The following MCTP1 variants were observed in gnomAD, a reference collection of about 807,000 sequenced individuals.
MCTP1 encodes multiple C2 and transmembrane domain containing 1.
A neutral mutation model predicts 120.6 loss-of-function variants in MCTP1; 69 were observed. That is an observed-to-expected ratio of 0.57 (90% CI 0.47 to 0.70). MCTP1 has a LOEUF of 0.70. Among genes scored for constraint, MCTP1 ranks in the 30% least tolerant of loss-of-function variants. The pLI is 0.00. For missense variants in MCTP1, 1,203 were observed against 1,248.8 expected, an observed-to-expected ratio of 0.96 and a Z score of 0.55; for synonymous variants, 529 against 493.1, an observed-to-expected ratio of 1.07 and a Z score of -0.96.
intron 2 of MCTP1, among the ~76,000 whole-genome samples, chr5:94,988,595 G>GTTTTTT (rs1223531017): frequency 8.0e-6 from 1 of 124,312 alleles, no homozygotes; most frequent in African/African-American, 3.2e-5. Context: ...TTCCCTGTGT[G>GTTTTTT]TGTTTTTTTT....
In MCTP1 at chr5:95,284,264, C is replaced by T; in HGVS notation, c.312G>A (p.Pro104=). 1.3e-6 allele frequency: 2 copies of T among 1,591,418 alleles called. No individual in the cohort carries two copies. Among genetic ancestry groups the T allele is most frequent in the Non-Finnish European group, 8.5e-7 (1 of 1,176,092 alleles). ...CGGCGCCGCCGGGCTCCAGGGGCTC[C>T]GGCGACGAGCAGCACAGGTTGGGCT... ...SSQPNLCCSS[P]EPLEPGGAGR... The change falls in exon 1 of 23, where the codon CCG becomes CCA. Residue 104 remains proline (P), a synonymous_variant. Coordinates refer to ENST00000515393, the MANE Select transcript of MCTP1 (RefSeq NM_024717.7). This position sits in a 1 kb window ranked among gnomAD's most constrained non-coding sequence, Gnocchi z 5.2.
intron 17 of MCTP1, among the ~76,000 whole-genome samples, chr5:94,800,179 AAAAACC>A (rs1780918744): frequency 6.6e-6 from 1 of 152,232 alleles, no homozygotes; most frequent in Non-Finnish European, 1.5e-5. Flanking sequence ...GTAATTTCGC[AAAAACC>A]AAAACCCAAA....
At chr5:95,148,582 C>A (rs1177987055) in intron 1 of MCTP1, among the ~76,000 whole-genome samples, 1 of 152,158 alleles carries the variant, frequency 6.6e-6, no homozygotes, top group African/African-American at 2.4e-5. Context: ...TTTCATTTTT[C>A]AGCTCTTGGA....
intron 13 of MCTP1, among the ~76,000 whole-genome samples, chr5:94,872,564 C>T (rs769456360): frequency 3.3e-4 from 50 of 151,908 alleles, no homozygotes; most frequent in Non-Finnish European, 5.6e-4. Flanking sequence ...TTTAAAAAAC[C>T]GAACTTAGGA....
intron 1 of MCTP1, among the ~76,000 whole-genome samples, chr5:95,243,349 T>C (rs1331289863): frequency 6.6e-6 from 1 of 152,188 alleles, no homozygotes; most frequent in African/African-American, 2.4e-5. Flanking sequence ...GAAGTGATAT[T>C]TGGGCTGAGA....
chr5:94,905,817 G>A (rs1806726937), intron 10 of MCTP1, among the ~76,000 whole-genome samples: 1 of 152,194 alleles, frequency 6.6e-6, no homozygotes. Flanking sequence ...ATGGAGTGGA[G>A]CTGGACTCTT....
At chr5:94,986,863 T>C (rs1359136818) in intron 2 of MCTP1, among the ~76,000 whole-genome samples, 1 of 152,098 alleles carries the variant, frequency 6.6e-6, no homozygotes, top group Non-Finnish European at 1.5e-5. Context: ...TGTCCAGTCC[T>C]CCCTTGGTAT....
At chr5:94,959,451 A>G (rs535477024) in intron 2 of MCTP1, among the ~76,000 whole-genome samples, 1 of 152,330 alleles carries the variant, frequency 6.6e-6, no homozygotes, top group Non-Finnish European at 1.5e-5. Flanking sequence ...AAATAAAGGT[A>G]TTCAAATAGG....
At chr5:94,749,654 C>CAAAAAA (rs57404381) in intron 19 of MCTP1, among the ~76,000 whole-genome samples, 32 of 50,968 alleles carry the variant, frequency 6.3e-4, no homozygotes, top group South Asian at 1.2e-3. Flanking sequence ...GACTTCATCT[C>CAAAAAA]AAAAAAAAAA....
intron 12 of MCTP1, 141 bp downstream of exon 12, chr5:94,888,738 A>G (rs921761360): frequency 7.5e-6 from 4 of 531,152 alleles, no homozygotes; most frequent in Non-Finnish European, 1.3e-5. Context: ...GGGGTTGGCA[A>G]ATATTTCTAA....
intron 5 of MCTP1, among the ~76,000 whole-genome samples, chr5:94,934,500 T>C (rs924898570): frequency 9.2e-5 from 14 of 151,792 alleles, no homozygotes; most frequent in African/African-American, 3.4e-4. Flanking sequence ...GCAGAAGTAA[T>C]TGTTTTTAAA....
chr5:94,984,380 G>A (rs1830076570), intron 2 of MCTP1, among the ~76,000 whole-genome samples: 1 of 152,180 alleles, frequency 6.6e-6, no homozygotes, highest in Admixed American at 6.6e-5. Context: ...ATCAGCTTCT[G>A]TTTGCAGGAA....
At chr5:95,229,463 T>C (rs1393031686) in intron 1 of MCTP1, among the ~76,000 whole-genome samples, 10 of 152,130 alleles carry the variant, frequency 6.6e-5, no homozygotes, top group Non-Finnish European at 4.4e-5. Flanking sequence ...TATTCTGCCT[T>C]ATTGATGAGA....
chr5:94,870,752 C>T, intron 15 of MCTP1, 120 bp downstream of exon 15: 1 of 782,472 alleles, frequency 1.3e-6, no homozygotes, highest in Non-Finnish European at 2.2e-6. Context: ...GCGTATTCTC[C>T]AGGACACATG....
At chr5:94,803,109 C>T (rs1439767155) in intron 17 of MCTP1, among the ~76,000 whole-genome samples, 1 of 152,176 alleles carries the variant, frequency 6.6e-6, no homozygotes, top group African/African-American at 2.4e-5. Flanking sequence ...AAAACATCTA[C>T]CCCTATGTTA....
At chr5:94,991,420 T>C (rs1450879480) in intron 2 of MCTP1, among the ~76,000 whole-genome samples, 8 of 152,244 alleles carry the variant, frequency 5.3e-5, no homozygotes, top group Admixed American at 5.2e-4. Context: ...TAAAAATTAA[T>C]TTCCAATAAT....
intron 11 of MCTP1, among the ~76,000 whole-genome samples, chr5:94,893,118 A>C (rs1469780160): frequency 6.6e-6 from 1 of 152,240 alleles, no homozygotes; most frequent in East Asian, 1.9e-4. Context: ...AATATTTTAC[A>C]TTTTATTGAA....
At chr5:95,082,901 A>T (rs966558825) in intron 1 of MCTP1, among the ~76,000 whole-genome samples, 2 of 152,168 alleles carry the variant, frequency 1.3e-5, no homozygotes, top group Non-Finnish European at 2.9e-5. Flanking sequence ...ACATTTAGGA[A>T]GGTCTTCCCT....
At chr5:94,747,228 G>T (rs112798838) in intron 19 of MCTP1, among the ~76,000 whole-genome samples, 9 of 152,246 alleles carry the variant, frequency 5.9e-5, no homozygotes, top group Non-Finnish European at 1.0e-4. Context: ...AAAACTGATT[G>T]CTACAATTCT....
Sources: gnomAD v4.1 joint callset for allele counts (sites outside exome capture counted in the v4.1 genomes callset) on GRCh38, gnomAD v4.1.1 for gene constraint, Gnocchi (gnomAD v3.1) non-coding constraint, MANE v1.5 for transcripts, NCBI Gene and HGNC (gene_info 2026-07-23, HGNC 2026-07-21) for gene names.